The following USP53 variants were observed in gnomAD, a reference collection of about 807,000 sequenced individuals.
USP53 encodes the protein ubiquitin specific peptidase 53, also known as ubiquitin carboxyl-terminal hydrolase 53.
Under a neutral mutation model 94.9 loss-of-function variants are expected in USP53, and 71 were observed. That is an observed-to-expected ratio of 0.75 (90% CI 0.62 to 0.91). USP53 has a LOEUF of 0.91. USP53 is among the 40% of genes least tolerant of loss of function. The pLI is 0.00. For missense variants in USP53, 1,173 were observed against 1,281.0 expected (o/e 0.92, Z 1.29); for synonymous variants, 375 against 422.7 (o/e 0.89, Z 1.39).
intron 3 of USP53, among the ~76,000 whole-genome samples, chr4:119,230,018 GT>G (rs1240823370): frequency 1.3e-5 from 2 of 152,002 alleles, no homozygotes; most frequent in Non-Finnish European, 1.5e-5. Flanking sequence ...ACTTGTGCTC[GT>G]TTTTCAATAT....
intron 12 of USP53, among the ~76,000 whole-genome samples, chr4:119,264,975 A>T (rs1346771017): frequency 7.2e-5 from 11 of 152,216 alleles, no homozygotes; most frequent in African/African-American, 1.7e-4. Flanking sequence ...GAAGGACTGA[A>T]CTATTGAACT....
intron 3 of USP53, among the ~76,000 whole-genome samples, chr4:119,227,477 A>C (rs1745453843): frequency 6.6e-6 from 1 of 152,108 alleles, no homozygotes; most frequent in African/African-American, 2.4e-5. Context: ...ACAAGTACAA[A>C]AAATTAGCCG....
chr4:119,261,646 T>C, intron 11 of USP53, 69 bp from the exon 12 acceptor site: 2 of 1,264,436 alleles, frequency 1.6e-6, no homozygotes, highest in Non-Finnish European at 1.1e-6. Flanking sequence ...AAAGACATGA[T>C]TCATCTAATT....
At chr4:119,270,354 T>C (rs1751693907) in intron 15 of USP53, among the ~76,000 whole-genome samples, 1 of 152,062 alleles carries the variant, frequency 6.6e-6, no homozygotes, top group Non-Finnish European at 1.5e-5. Context: ...TACCTCAGCC[T>C]CCCAAAGTGC....
intron 5 of USP53, among the ~76,000 whole-genome samples, chr4:119,241,904 G>T (rs1747599103): frequency 6.6e-6 from 1 of 151,810 alleles, no homozygotes; most frequent in African/African-American, 2.4e-5. Context: ...TTCTTTCTCA[G>T]TCTTTTTTTC....
chr4:119,242,034 A>G (rs1361932543), intron 5 of USP53, among the ~76,000 whole-genome samples: 1 of 152,114 alleles, frequency 6.6e-6, no homozygotes, highest in African/African-American at 2.4e-5. Flanking sequence ...TAGACATTGT[A>G]GTTTTCACTT....
chr4:119,262,364 C>G (rs973694824), intron 12 of USP53, among the ~76,000 whole-genome samples: 4 of 152,148 alleles, frequency 2.6e-5, no homozygotes, highest in Non-Finnish European at 5.9e-5. Flanking sequence ...GCCAAGCCCT[C>G]TGTGCAGTTG....
rs968958600 is a variant in USP53 at position 119,294,793 on chromosome 4, C to G, written c.*1582C>G. 1.3e-5 allele frequency: 2 copies of G among 152,034 alleles called. No homozygotes were observed. The highest frequency in any genetic ancestry group is 2.1e-4 in the South Asian group (1 of 4,834). The allele number at this position is 152,034 out of a possible 1,614,324, so 9.4% of individuals were successfully genotyped here. A position where few individuals can be genotyped will look rare whatever the true frequency, so the allele number is the denominator to read the frequency against. On this transcript the variant is annotated 3_prime_UTR_variant, in exon 19 of 19. Transcript: ENST00000692078. ...TCTTCTGCCTATAGTTTTTACTAGC[C>G]TTTTTAAACTATAATAGTGAGTGAT...
chr4:119,248,641 T>C, intron 6 of USP53, 107 bp from the exon 7 acceptor site: 5 of 1,344,364 alleles, frequency 3.7e-6, no homozygotes, highest in African/African-American at 1.5e-5. Flanking sequence ...AAGACTTCTG[T>C]ATTATTTTCC....
chr4:119,221,769 A>G (rs567941402), intron 3 of USP53, among the ~76,000 whole-genome samples: 2 of 152,318 alleles, frequency 1.3e-5, no homozygotes, highest in South Asian at 4.1e-4. Flanking sequence ...TGATTGGCCG[A>G]AATGGGCCAG....
intron 3 of USP53, among the ~76,000 whole-genome samples, chr4:119,221,713 A>G (rs1195559555): frequency 1.3e-5 from 2 of 152,086 alleles, no homozygotes; most frequent in Non-Finnish European, 2.9e-5. Flanking sequence ...AAGGGGAGAA[A>G]TACCTTGGCT....
chr4:119,248,077 C>G (rs995055147), intron 6 of USP53, among the ~76,000 whole-genome samples: 1 of 151,934 alleles, frequency 6.6e-6, no homozygotes, highest in Non-Finnish European at 1.5e-5. Flanking sequence ...TTTCTTTCTT[C>G]CATGTAAGAT....
At position 119,271,472 on chromosome 4, in the gene USP53, C is replaced by G. The variant is rs777841513; in HGVS notation, c.1612C>G (p.Gln538Glu). The G allele has an allele frequency of 1.2e-6, 2 of 1,613,548 alleles. No homozygotes were observed. The highest frequency in any genetic ancestry group is 1.7e-6 in the Non-Finnish European group (2 of 1,179,974). The change falls in exon 16 of 19, where the codon CAG becomes GAG. Residue 538 changes from glutamine (Q) to glutamate (E), a missense_variant. Physicochemically the swap from Gln to Glu is conservative, Grantham distance 29. Coordinates refer to ENST00000692078, the MANE Select transcript of USP53 (RefSeq NM_001371395.1). ...ACAAATAATAAGTTCAAGTAAATCC[C>G]AGATTCTTGCTCCAGGAGAGAAAAT... is the stretch of plus-strand genomic sequence containing the variant. ...SAQIISSSKS[Q>E]ILAPGEKITG...
rs181545504 is a variant in USP53 at position 119,250,959 on chromosome 4, G to T, written c.372+2077G>T. Among the ~76,000 whole-genome samples the T allele has an allele frequency of 5.9e-3, 892 of 151,872 alleles. 11 individuals carry two copies. The highest frequency in any genetic ancestry group is 0.02 in the African/African-American group (848 of 41,390). On this transcript the variant is annotated intron_variant, in intron 7 of 18. Transcript: ENST00000692078. ...CTGGGTTACATGTGCAGAACTTGCAGTTTTGTTACATAGGTATACACGTGG... is the reference window on the plus strand; with the variant it reads ...CTGGGTTACATGTGCAGAACTTGCATTTTTGTTACATAGGTATACACGTGG...
rs750992151 is a variant in USP53, at chr4:119,239,818, C to T, written c.59C>T (p.Pro20Leu). 3 of 1,612,594 alleles carry T rather than the reference C, an allele frequency of 1.9e-6. No homozygotes were observed. Among genetic ancestry groups the T allele is most frequent in the Non-Finnish European group, 2.5e-6 (3 of 1,179,424 alleles). ...GGCAATCTTGGAAAAGTTTATCAGC[C>T]TGGAAGTATGCTATCACTAGCCCCT... ...PGGNLGKVYQ[P>L]GSMLSLAPTK... The change falls in exon 5 of 19, where the codon CCT (proline) becomes CTT (leucine). Residue 20 changes from proline to leucine, a missense_variant. Pro to Leu is a moderately conservative substitution (Grantham distance 98). Transcript: ENST00000692078.
intron 9 of USP53, among the ~76,000 whole-genome samples, chr4:119,256,767 A>T: frequency 6.6e-6 from 1 of 152,340 alleles, no homozygotes; most frequent in Middle Eastern, 3.4e-3. Flanking sequence ...TATTTAATTT[A>T]TAACAAATTT....
chr4:119,281,929 A>G (rs962341230), intron 17 of USP53, among the ~76,000 whole-genome samples: 4 of 152,118 alleles, frequency 2.6e-5, no homozygotes, highest in Admixed American at 6.6e-5. Context: ...GAACTTTTCT[A>G]TCTTCTCAAA....
chr4:119,245,490 A>C, intron 6 of USP53, 61 bp downstream of exon 6: 3 of 1,446,874 alleles, frequency 2.1e-6, no homozygotes, highest in South Asian at 2.3e-5. Context: ...TTTAAGTTTG[A>C]TATATTGGGT....
At chr4:119,216,067 C>T (rs1264718012) in intron 2 of USP53, among the ~76,000 whole-genome samples, 1 of 152,126 alleles carries the variant, frequency 6.6e-6, no homozygotes, top group Non-Finnish European at 1.5e-5. Flanking sequence ...GTGCTAAACA[C>T]TAGAAAGTCA....
Sources: allele counts gnomAD v4.1 joint callset (sites outside exome capture counted in the v4.1 genomes callset), GRCh38; gene constraint gnomAD v4.1.1; transcripts MANE v1.5; gene names NCBI Gene and HGNC (gene_info 2026-07-23, HGNC 2026-07-21).